Variants in EXOC2 observed in about 807,000 individuals in gnomAD.
The protein encoded by EXOC2 is SEC5-like 1.
EXOC2 carries 70 observed loss-of-function variants against 131.8 expected under a neutral mutation model. The observed-to-expected ratio is 0.53, with a 90% CI of 0.44 to 0.65. The LOEUF (loss-of-function observed/expected upper bound fraction) is 0.65, where lower values mean the gene tolerates loss of function less well. EXOC2 is among the 30% of genes least tolerant of loss of function. The pLI, the probability that EXOC2 is intolerant of heterozygous loss-of-function variation, is 0.00. For missense variants in EXOC2, 923 were observed against 1,108.6 expected (o/e 0.83, Z 2.38); for synonymous variants, 411 against 398.4 (o/e 1.03, Z -0.38).
rs80011872 is a variant in EXOC2, at chr6:499,672, C to A, written c.2409G>T (p.Leu803=). The A allele has an allele frequency of 3.0e-3, 4,763 of 1,613,582 alleles. 141 individuals carry two copies. The African/African-American group carries it at 0.053, about 18-fold the overall frequency. ...TGVRNYLKEA[L]VNIIAVHAEV... ...CTGCATGCACGGCAATTATATTCAC[C>A]AGTGCTTCTTTTAAATAGTTTCTGA... Residue 803 remains leucine, a synonymous_variant, in exon 24 of 28, where the codon CTG becomes CTT. Transcript: ENST00000230449.
intron 11 of EXOC2, among the ~76,000 whole-genome samples, chr6:587,159 T>C (rs1470042886): frequency 1.3e-5 from 2 of 151,970 alleles, no homozygotes; most frequent in Non-Finnish European, 2.9e-5. Context: ...AGCAAACTTA[T>C]AATTAAGGCA....
intron 23 of EXOC2, among the ~76,000 whole-genome samples, chr6:526,842 T>C (rs1468194363): frequency 6.6e-6 from 1 of 152,194 alleles, no homozygotes; most frequent in East Asian, 1.9e-4. Flanking sequence ...TACCTCACCA[T>C]TTCCTAGCTA....
At chr6:634,688 G>T (rs1762016120) in intron 2 of EXOC2, among the ~76,000 whole-genome samples, 1 of 152,066 alleles carries the variant, frequency 6.6e-6, no homozygotes, top group Non-Finnish European at 1.5e-5. Flanking sequence ...CTGCAACTTT[G>T]TTTTTCTAAT....
chr6:533,791 T>C (rs1398239401), intron 22 of EXOC2, among the ~76,000 whole-genome samples: 1 of 152,150 alleles, frequency 6.6e-6, no homozygotes, highest in Non-Finnish European at 1.5e-5. Flanking sequence ...TGCAGGGGGC[T>C]GGTGGCCGTT....
intron 20 of EXOC2, among the ~76,000 whole-genome samples, chr6:554,395 A>G (rs1757309278): frequency 1.3e-5 from 2 of 152,222 alleles, no homozygotes; most frequent in Non-Finnish European, 2.9e-5. Context: ...AGAAGGTACT[A>G]TGGATAATCT....
chr6:654,718 C>T (rs1459825632), intron 1 of EXOC2, among the ~76,000 whole-genome samples: 1 of 136,474 alleles, frequency 7.3e-6, no homozygotes, highest in Non-Finnish European at 1.5e-5. Context: ...GCAGGAGGAT[C>T]GTTTGAGCTC....
chr6:586,956 T>C (rs1428267319), intron 11 of EXOC2, among the ~76,000 whole-genome samples: 1 of 152,200 alleles, frequency 6.6e-6, no homozygotes, highest in Non-Finnish European at 1.5e-5. Flanking sequence ...GTTTCCCAGA[T>C]TTCTTCCACA....
chr6:671,910 T>A (rs918002734), intron 1 of EXOC2, among the ~76,000 whole-genome samples: 5 of 152,102 alleles, frequency 3.3e-5, no homozygotes, highest in East Asian at 3.8e-4. Flanking sequence ...ATTTTTTATT[T>A]TTTATTTATT....
chr6:558,100 A>G (rs1390296085), intron 17 of EXOC2, among the ~76,000 whole-genome samples: 1 of 152,214 alleles, frequency 6.6e-6, no homozygotes, highest in Non-Finnish European at 1.5e-5. Flanking sequence ...TCTCTTCAAC[A>G]CATGCATTAA....
intron 11 of EXOC2, among the ~76,000 whole-genome samples, chr6:577,706 T>C (rs1758659902): frequency 6.6e-6 from 1 of 152,202 alleles, no homozygotes; most frequent in South Asian, 2.1e-4. Context: ...TCAAAGTGCA[T>C]TTACAGAGTA....
intron 23 of EXOC2, among the ~76,000 whole-genome samples, chr6:515,996 A>C (rs547016783): frequency 9.8e-4 from 149 of 152,308 alleles, no homozygotes; most frequent in African/African-American, 3.4e-3. Flanking sequence ...AACATTTGGA[A>C]ATCATTGGAG....
chr6:685,119 C>G (rs1764583756), intron 1 of EXOC2, among the ~76,000 whole-genome samples: 1 of 141,474 alleles, frequency 7.1e-6, no homozygotes, highest in South Asian at 2.3e-4. Context: ...TCCCCACAAT[C>G]ATTTGAAAAC....
intron 13 of EXOC2, among the ~76,000 whole-genome samples, chr6:569,655 C>T (rs921349557): frequency 2.0e-5 from 3 of 152,190 alleles, no homozygotes; most frequent in Admixed American, 6.5e-5. Context: ...TACAGCCCTG[C>T]GCTTTCCTCT....
At chr6:672,031 T>C (rs543794878) in intron 1 of EXOC2, among the ~76,000 whole-genome samples, 4 of 152,346 alleles carry the variant, frequency 2.6e-5, no homozygotes, top group Admixed American at 2.0e-4. Context: ...ATTTCTTCTG[T>C]TATTTTTTTC....
intron 6 of EXOC2, among the ~76,000 whole-genome samples, chr6:612,180 C>T (rs1166373476): frequency 6.6e-6 from 1 of 152,220 alleles, no homozygotes; most frequent in Non-Finnish European, 1.5e-5. Context: ...CAAACTATTG[C>T]TATGAAGAAC....
chr6:486,818 CG>C lies in EXOC2; in HGVS notation c.2682-55del, dbSNP rs564007661. ...CCCGACAGATGGGGCGGCCTAGCAA[CG>C]CAAGAAAACACCAGGGGAGCCAGTG... On this transcript the variant is annotated intron_variant, in intron 27 of 27. Transcript: ENST00000230449. The C allele has an allele frequency of 2.0e-5, 28 of 1,416,390 alleles. No homozygotes were observed. In the East Asian group the frequency reaches 6.4e-4, roughly 32 times the overall value. 87.7% of individuals were successfully genotyped at this position (1,416,390 alleles called of 1,614,324 possible). A position where few individuals can be genotyped will look rare whatever the true frequency, so the allele number is the denominator to read the frequency against.
intron 22 of EXOC2, among the ~76,000 whole-genome samples, chr6:545,472 C>T (rs965842470): frequency 3.9e-5 from 6 of 152,100 alleles, no homozygotes; most frequent in Non-Finnish European, 2.9e-5. Flanking sequence ...AACTTATTTG[C>T]AACATGTATC....
At chr6:611,090 C>A (rs1471811206) in intron 6 of EXOC2, among the ~76,000 whole-genome samples, 1 of 152,012 alleles carries the variant, frequency 6.6e-6, no homozygotes, top group African/African-American at 2.4e-5. Context: ...AAAGGAACTT[C>A]CTTCCCTCTC....
At position 658,400 on chromosome 6, in the gene EXOC2, G is replaced by C. The variant is rs1763237029; in HGVS notation, c.-43-20539C>G. Among the ~76,000 whole-genome samples the C allele has an allele frequency of 2.6e-5, 4 of 151,832 alleles. 1 individual carries two copies. Among genetic ancestry groups the C allele is most frequent in the Admixed American group, 2.6e-4 (4 of 15,260 alleles). ...TCAGAGTCTAAAAATAATCTTCCTG[G>C]AATTCTGATGGGAATTATCACCAGC... is the stretch of plus-strand genomic sequence containing the variant. On this transcript the variant is annotated intron_variant, in intron 1 of 27. Coordinates refer to ENST00000230449, the MANE Select transcript of EXOC2 (RefSeq NM_018303.6).
Sources: allele counts gnomAD v4.1 joint callset (sites outside exome capture counted in the v4.1 genomes callset), GRCh38; gene constraint gnomAD v4.1.1; transcripts MANE v1.5; gene names NCBI Gene and HGNC (gene_info 2026-07-23, HGNC 2026-07-21).